Variants in CDX1 observed in about 807,000 individuals in gnomAD.
CDX1 encodes homeobox protein CDX-1.
In CDX1, 9 loss-of-function variants were observed where a neutral mutation model predicts 16.9. The ratio of observed to expected loss-of-function variants is 0.53; its 90% CI spans 0.32 to 0.93. The LOEUF is 0.93. Ranked by LOEUF, CDX1 falls within the 40% of genes least tolerant of loss-of-function variation. CDX1 has a pLI of 0.04. For synonymous variants in CDX1, 179 were observed against 179.0 expected (o/e 1.00, Z 0.00); for missense variants, 393 against 386.1 (o/e 1.02, Z -0.15).
intron 1 of CDX1, among the ~76,000 whole-genome samples, chr5:150,174,258 C>T (rs1216294761): frequency 6.6e-6 from 1 of 152,200 alleles, no homozygotes; most frequent in Non-Finnish European, 1.5e-5. Context: ...GGAAGATGGC[C>T]AGGGGGGCAG....
At position 150,166,968 on chromosome 5, in the gene CDX1, G is replaced by T. The variant is rs1035482859; in HGVS notation, c.92G>T (p.Gly31Val). ...ASLGLGPQAYGPPAPPPAPPQ... is the reference protein window; with the variant it reads ...ASLGLGPQAYVPPAPPPAPPQ... The stretch of plus-strand genomic sequence containing the variant: ...CTCGGCCTGGGCCCGCAAGCCTACG[G>T]CCCCCCGGCCCCGCCCCCGGCGCCC... The change falls in exon 1 of 3, where the codon GGC becomes GTC. Residue 31 changes from glycine (G) to valine (V), a missense_variant. Physicochemically the swap from Gly to Val is moderately radical, Grantham distance 109. Coordinates refer to ENST00000231656, the MANE Select transcript of CDX1 (RefSeq NM_001804.3). The T allele has an allele frequency of 2.7e-6, 4 of 1,457,948 alleles. No individual in the cohort carries two copies. In the African/African-American group the frequency reaches 6.0e-5, roughly 22 times the overall value. 90.3% of individuals were successfully genotyped at this position (1,457,948 alleles called of 1,614,324 possible).
In CDX1 at chr5:150,166,834, G is replaced by A; in HGVS notation, c.-43G>A. 1 of 1,345,284 alleles carries A rather than the reference G, an allele frequency of 7.4e-7. No homozygotes were observed. Among genetic ancestry groups the A allele is most frequent in the South Asian group, 1.7e-5 (1 of 58,550 alleles). The allele number at this position is 1,345,284 out of a possible 1,614,324, so 83.3% of individuals were successfully genotyped here. ...CTCGTCGTCGGGGCGGCCGGCAGCG[G>A]CGGCTCCAGGGCCCAGCATGCGCGG... On this transcript the variant is annotated 5_prime_UTR_variant, in exon 1 of 3. Coordinates refer to ENST00000231656, the MANE Select transcript of CDX1 (RefSeq NM_001804.3).
chr5:150,166,956 C>A lies in CDX1; in HGVS notation c.80C>A (p.Pro27Gln), dbSNP rs1761428399. Reference sequence around the variant, plus strand: ...AGGCCAGCCAGCCTCGGCCTGGGCCCGCAAGCCTACGGCCCCCCGGCCCCG... The same window carrying A: ...AGGCCAGCCAGCCTCGGCCTGGGCCAGCAAGCCTACGGCCCCCCGGCCCCG... ...PARPASLGLGPQAYGPPAPPP... is the reference protein window; with the variant it reads ...PARPASLGLGQQAYGPPAPPP... The change falls in exon 1 of 3, where the codon CCG becomes CAG. Residue 27 changes from proline (P) to glutamine (Q), a missense_variant. Coordinates refer to ENST00000231656, the MANE Select transcript of CDX1 (RefSeq NM_001804.3). 1 of 1,483,874 alleles carries A rather than the reference C, an allele frequency of 6.7e-7. No homozygotes were observed. The highest frequency in any genetic ancestry group is 1.3e-5 in the South Asian group (1 of 76,508). 91.9% of individuals were successfully genotyped at this position (1,483,874 alleles called of 1,614,324 possible).
intron 1 of CDX1, among the ~76,000 whole-genome samples, chr5:150,176,472 G>A (rs897821048): frequency 7.2e-5 from 11 of 152,130 alleles, no homozygotes; most frequent in Non-Finnish European, 1.6e-4. Flanking sequence ...GCTCCCCATC[G>A]CCTGTTGCTG....
chr5:150,180,012 T>G (rs1436284926), intron 1 of CDX1, among the ~76,000 whole-genome samples: 1 of 152,236 alleles, frequency 6.6e-6, no homozygotes, highest in East Asian at 1.9e-4. Context: ...GAGGTAGGAC[T>G]GGAAGGGCTC....
At chr5:150,167,981 C>G (rs1008842942) in intron 1 of CDX1, among the ~76,000 whole-genome samples, 13 of 152,180 alleles carry the variant, frequency 8.5e-5, no homozygotes, top group Non-Finnish European at 1.2e-4. Context: ...AACCTCCTGC[C>G]CCCAGGCAGG....
At chr5:150,183,355 A>AGAT in intron 2 of CDX1, 119 bp from the exon 3 acceptor site, 1 of 873,166 alleles carries the variant, frequency 1.1e-6, no homozygotes, top group South Asian at 2.0e-5. Context: ...GCTGGAGAGG[A>AGAT]GATAAGCCAC....
intron 1 of CDX1, among the ~76,000 whole-genome samples, chr5:150,169,149 AG>A (rs1439100971): frequency 1.3e-5 from 2 of 151,976 alleles, no homozygotes; most frequent in African/African-American, 2.4e-5. Flanking sequence ...ACTTGGAGAG[AG>A]GCCATCACTG....
chr5:150,180,795 T>C (rs1161020710), intron 1 of CDX1, among the ~76,000 whole-genome samples: 1 of 152,090 alleles, frequency 6.6e-6, no homozygotes, highest in Admixed American at 6.5e-5. Flanking sequence ...AGGCCAAGCA[T>C]GACTCTTAGT....
chr5:150,168,029 G>A (rs1238173936), intron 1 of CDX1, among the ~76,000 whole-genome samples: 1 of 152,200 alleles, frequency 6.6e-6, no homozygotes, highest in African/African-American at 2.4e-5. Context: ...AGGGTAGGGG[G>A]CAGGACAAAG....
intron 1 of CDX1, among the ~76,000 whole-genome samples, chr5:150,178,066 C>A (rs964994490): frequency 6.6e-6 from 1 of 152,172 alleles, no homozygotes. Flanking sequence ...ATTTTGAGAC[C>A]CATTCTAGCG....
intron 1 of CDX1, among the ~76,000 whole-genome samples, chr5:150,171,615 C>T (rs1029743783): frequency 2.0e-5 from 3 of 152,228 alleles, no homozygotes; most frequent in African/African-American, 4.8e-5. Flanking sequence ...GGATTACAGG[C>T]GTGAGCCACC....
At chr5:150,178,904 G>C (rs1761606359) in intron 1 of CDX1, among the ~76,000 whole-genome samples, 1 of 151,928 alleles carries the variant, frequency 6.6e-6, no homozygotes, top group African/African-American at 2.4e-5. Flanking sequence ...ATGGGGTTTT[G>C]AAATTTCTTT....
At chr5:150,183,318 G>A (rs1247569855) in intron 2 of CDX1, among the ~76,000 whole-genome samples, 156 bp from the exon 3 acceptor site, 2 of 152,092 alleles carry the variant, frequency 1.3e-5, no homozygotes, top group African/African-American at 4.8e-5. Flanking sequence ...GGGGGAGAAT[G>A]AATTCAGGGT....
chr5:150,181,648 G>A (rs1752431554), intron 1 of CDX1, among the ~76,000 whole-genome samples: 1 of 152,022 alleles, frequency 6.6e-6, no homozygotes, highest in Non-Finnish European at 1.5e-5. Context: ...GGCCTTCACG[G>A]CCCATTCTAT....
Position 150,167,073 on chromosome 5 carries a change from C to A in CDX1, c.197C>A (p.Pro66His), listed in dbSNP as rs1761433558. ...CCGACGGCCTGGGGGGCGCCCTTCC[C>A]TGCGCCCAAGGACGACTGGGCCGCC... Reference protein sequence around the residue: ...APPTAWGAPFPAPKDDWAAAY... With the variant: ...APPTAWGAPFHAPKDDWAAAY... The change falls in exon 1 of 3, where the codon CCT becomes CAT. Residue 66 changes from proline to histidine, a missense_variant. Pro to His is a moderately conservative substitution (Grantham distance 77, BLOSUM62 -2). Coordinates refer to ENST00000231656, the MANE Select transcript of CDX1 (RefSeq NM_001804.3). 1 of 1,415,278 alleles carries A rather than the reference C, an allele frequency of 7.1e-7. No homozygotes were observed. Among genetic ancestry groups the A allele is most frequent in the Non-Finnish European group, 9.2e-7 (1 of 1,090,678 alleles). 87.7% of individuals were successfully genotyped at this position (1,415,278 alleles called of 1,614,324 possible).
intron 1 of CDX1, 112 bp from the exon 2 acceptor site, chr5:150,182,656 G>A: frequency 3.0e-6 from 3 of 1,000,642 alleles, no homozygotes; most frequent in Non-Finnish European, 4.3e-6. Context: ...CCCACCTCAG[G>A]GTCCTACTTC....
chr5:150,174,262 G>C (rs1014646469), intron 1 of CDX1, among the ~76,000 whole-genome samples: 3 of 152,256 alleles, frequency 2.0e-5, no homozygotes, highest in Admixed American at 2.0e-4. Context: ...GATGGCCAGG[G>C]GGGCAGTGGC....
chr5:150,181,093 C>A (rs1752403769), intron 1 of CDX1, among the ~76,000 whole-genome samples: 1 of 152,184 alleles, frequency 6.6e-6, no homozygotes, highest in Admixed American at 6.5e-5. Context: ...CCCAGAGTCC[C>A]TCCCCTTGTC....
Sources: gnomAD v4.1 joint callset for allele counts (sites outside exome capture counted in the v4.1 genomes callset) on GRCh38, gnomAD v4.1.1 for gene constraint, MANE v1.5 for transcripts, NCBI Gene and HGNC (gene_info 2026-07-23, HGNC 2026-07-21) for gene names.